GRAP2: variants seen among roughly 807,000 people sequenced by gnomAD.
GRAP2 encodes the protein GRB2-related adapter protein 2.
Under a neutral mutation model 43.5 loss-of-function variants are expected in GRAP2, and 31 were observed. The ratio of observed to expected loss-of-function variants is 0.71; its 90% confidence interval spans 0.54 to 0.96. The LOEUF is 0.96. Among genes scored for constraint, GRAP2 ranks in the 40% least tolerant of loss-of-function variants. GRAP2 has a pLI of 0.00. For missense variants in GRAP2, 371 were observed against 424.4 expected (o/e 0.87, Z 1.11); for synonymous variants, 156 against 164.8 (o/e 0.95, Z 0.41).
chr22:39,965,167 A>G (rs949925798), intron 4 of GRAP2, among the ~76,000 whole-genome samples: 2 of 152,234 alleles, frequency 1.3e-5, no homozygotes, highest in South Asian at 2.1e-4. Flanking sequence ...AGGCAGGTGG[A>G]TCACCGGAGG....
intron 1 of GRAP2, among the ~76,000 whole-genome samples, chr22:39,926,322 T>C (rs2066697389): frequency 6.6e-6 from 1 of 152,110 alleles, no homozygotes; most frequent in Non-Finnish European, 1.5e-5. Context: ...TATGCATGCA[T>C]AAATTATACA....
chr22:39,968,332 A>C (rs1215510591), intron 6 of GRAP2, 60 bp downstream of exon 6: 2 of 1,574,176 alleles, frequency 1.3e-6, no homozygotes, highest in Non-Finnish European at 1.7e-6. Context: ...CCTCCCCTCC[A>C]GGCCTGGCCC....
At chr22:39,959,567 A>C (rs1183411436) in intron 3 of GRAP2, among the ~76,000 whole-genome samples, 5 of 152,052 alleles carry the variant, frequency 3.3e-5, no homozygotes, top group Non-Finnish European at 7.4e-5. Context: ...TTTAATACCC[A>C]GGGAGGAACC....
intron 1 of GRAP2, among the ~76,000 whole-genome samples, chr22:39,940,022 T>G (rs1317610078): frequency 6.6e-6 from 1 of 152,110 alleles, no homozygotes; most frequent in South Asian, 2.1e-4. Flanking sequence ...ATGAGTTGGT[T>G]GTAGCTGCCA....
At chr22:39,944,478 A>G (rs955043567) in intron 1 of GRAP2, among the ~76,000 whole-genome samples, 1 of 152,146 alleles carries the variant, frequency 6.6e-6, no homozygotes, top group Non-Finnish European at 1.5e-5. Context: ...TCATCTCACA[A>G]ATGGAAATGG....
rs528499598 is a variant in GRAP2, at chr22:39,946,920, G to A, written c.-14-173G>A. The A allele has an allele frequency of 1.9e-5, 11 of 567,982 alleles. 1 individual carries two copies. Among genetic ancestry groups the A allele is most frequent in the South Asian group, 1.5e-4 (7 of 45,678 alleles). 35.2% of individuals were successfully genotyped at this position (567,982 alleles called of 1,614,324 possible). ...CCAGGACCTAGATCCTATAGATTCC[G>A]GCAGCTCTTCCTGCAAACACAAGCC... On this transcript the variant is annotated intron_variant, in intron 1 of 7. Transcript: ENST00000344138.
At chr22:39,967,486 A>G (rs1254469815) in intron 5 of GRAP2, among the ~76,000 whole-genome samples, 1 of 152,198 alleles carries the variant, frequency 6.6e-6, no homozygotes, top group Non-Finnish European at 1.5e-5. Flanking sequence ...ACAATACGGT[A>G]TTTCTGATTT....
At chr22:39,951,629 T>C (rs1156463085) in intron 2 of GRAP2, among the ~76,000 whole-genome samples, 1 of 152,046 alleles carries the variant, frequency 6.6e-6, no homozygotes, top group Non-Finnish European at 1.5e-5. Flanking sequence ...AGAGTAAAAC[T>C]TCAAGTGTTC....
chr22:39,951,895 CA>C (rs2066986937), intron 2 of GRAP2, among the ~76,000 whole-genome samples: 1 of 152,054 alleles, frequency 6.6e-6, no homozygotes. Flanking sequence ...GACCAAGCAC[CA>C]GGTGGCGGAG....
At chr22:39,897,139 T>C (rs1171691372), upstream of GRAP2, among the ~76,000 whole-genome samples, 1 of 152,206 alleles carries the variant, frequency 6.6e-6, no homozygotes, top group Non-Finnish European at 1.5e-5. Flanking sequence ...CAAACTCGTG[T>C]ATCTAACTAC....
intron 1 of GRAP2, among the ~76,000 whole-genome samples, chr22:39,939,719 G>A (rs1045279655): frequency 3.9e-5 from 6 of 152,084 alleles, no homozygotes; most frequent in African/African-American, 7.2e-5. Context: ...GACCAGCCTG[G>A]CCAGCATGGC....
chr22:39,922,233 A>G (rs1002981213), intron 1 of GRAP2, among the ~76,000 whole-genome samples: 82 of 152,330 alleles, frequency 5.4e-4, no homozygotes, highest in Admixed American at 1.3e-4. Flanking sequence ...ATTGGGTGCC[A>G]TACTTGAAAT....
At chr22:39,959,232 G>A (rs2067090193) in intron 3 of GRAP2, among the ~76,000 whole-genome samples, 1 of 152,200 alleles carries the variant, frequency 6.6e-6, no homozygotes, top group Non-Finnish European at 1.5e-5. Flanking sequence ...CTGGCCCTGT[G>A]TAAGTGTTTG....
At chr22:39,961,314 G>T (rs1231341732) in intron 4 of GRAP2, among the ~76,000 whole-genome samples, 1 of 152,100 alleles carries the variant, frequency 6.6e-6, no homozygotes, top group Non-Finnish European at 1.5e-5. Flanking sequence ...AGACAGGAGG[G>T]CAGGAGAAGG....
intron 1 of GRAP2, among the ~76,000 whole-genome samples, chr22:39,944,911 C>A (rs998548018): frequency 2.0e-5 from 3 of 152,176 alleles, no homozygotes; most frequent in Non-Finnish European, 2.9e-5. Flanking sequence ...ACAAATGGGA[C>A]CTTGGTCTTC....
intron 2 of GRAP2, among the ~76,000 whole-genome samples, chr22:39,950,856 C>G (rs565770791): frequency 2.6e-5 from 4 of 152,356 alleles, no homozygotes; most frequent in African/African-American, 7.2e-5. Context: ...GTCTGCCCCC[C>G]ACCTTCCTCA....
At chr22:39,926,484 GAAA>G (rs918651851) in intron 1 of GRAP2, 187 of 241,370 alleles carry the variant, frequency 7.7e-4, no homozygotes, top group Non-Finnish European at 8.4e-4. Flanking sequence ...CCCAACAAAA[GAAA>G]AAAAAAAAAA....
In GRAP2 at chr22:39,946,769, C is replaced by T. The variant is rs548481273; in HGVS notation, c.-14-324C>T. The T allele has an allele frequency of 7.1e-4, 189 of 267,808 alleles. 1 individual carries two copies. The highest frequency in any genetic ancestry group is 3.0e-3 in the African/African-American group (137 of 45,584). 16.6% of individuals were successfully genotyped at this position (267,808 alleles called of 1,614,324 possible). ...TTACAGATGATAGCAAGCCTTCCCT[C>T]CTTATCAGCTGCAAACAGAGATGCC... On this transcript the variant is annotated intron_variant, in intron 1 of 7. Coordinates refer to ENST00000344138, the MANE Select transcript of GRAP2 (RefSeq NM_004810.4).
chr22:39,970,562 CAG>C (rs2067229444), intron 7 of GRAP2, among the ~76,000 whole-genome samples: 1 of 152,238 alleles, frequency 6.6e-6, no homozygotes, highest in Admixed American at 6.5e-5. Flanking sequence ...CCTGGGTCTC[CAG>C]AGTGACGCTG....
Sources: gnomAD v4.1 joint callset for allele counts (sites outside exome capture counted in the v4.1 genomes callset) on GRCh38, gnomAD v4.1.1 for gene constraint, MANE v1.5 for transcripts, NCBI Gene and HGNC (gene_info 2026-07-23, HGNC 2026-07-21) for gene names.